The following UBLCP1 variants were observed in gnomAD, a reference collection of about 807,000 sequenced individuals.
UBLCP1 encodes the protein ubiquitin-like domain-containing CTD phosphatase 1.
In UBLCP1, 28 loss-of-function variants were observed where a neutral mutation model predicts 42.4. That is an observed-to-expected ratio of 0.66 (90% CI 0.49 to 0.90). UBLCP1 has a LOEUF of 0.90. Ranked by LOEUF, UBLCP1 falls within the 40% of genes least tolerant of loss-of-function variation. UBLCP1 has a pLI of 0.00. For missense variants in UBLCP1, 279 were observed against 374.5 expected (o/e 0.75, Z 2.10); for synonymous variants, 122 against 120.8 (o/e 1.01, Z -0.07).
chr5:159,278,423 C>T (rs1753564424), intron 9 of UBLCP1, 69 bp downstream of exon 9: 1 of 1,036,516 alleles, frequency 9.6e-7, no homozygotes, highest in African/African-American at 1.6e-5. Context: ...TTGTAGTAAG[C>T]ACTGTTGAAT....
intron 9 of UBLCP1, among the ~76,000 whole-genome samples, chr5:159,279,804 A>G (rs1472126564): frequency 6.6e-6 from 1 of 152,216 alleles, no homozygotes; most frequent in Non-Finnish European, 1.5e-5. Context: ...TTGAGAAGAA[A>G]TGTGGTTGAT....
intron 6 of UBLCP1, among the ~76,000 whole-genome samples, chr5:159,273,408 G>A (rs1753495663): frequency 6.6e-6 from 1 of 152,106 alleles, no homozygotes; most frequent in Admixed American, 6.5e-5. Context: ...AAATAGACTA[G>A]GATTTTAATT....
intron 1 of UBLCP1, among the ~76,000 whole-genome samples, chr5:159,266,203 A>G (rs1472809949): frequency 6.6e-6 from 1 of 152,228 alleles, no homozygotes. Flanking sequence ...CAAAATTCTG[A>G]TAGCTATATG....
At chr5:159,278,004 A>C (rs922084759) in intron 8 of UBLCP1, among the ~76,000 whole-genome samples, 2 of 152,180 alleles carry the variant, frequency 1.3e-5, no homozygotes, top group Admixed American at 6.5e-5. Flanking sequence ...AATTATGGAA[A>C]GTTTTATAAT....
At chr5:159,281,306 G>A (rs1050755129) in intron 9 of UBLCP1, among the ~76,000 whole-genome samples, 1 of 152,142 alleles carries the variant, frequency 6.6e-6, no homozygotes, top group Non-Finnish European at 1.5e-5. Context: ...TTACCTTTCA[G>A]TCCTTAGGAA....
chr5:159,281,861 C>G (rs1240941903), intron 9 of UBLCP1, among the ~76,000 whole-genome samples: 1 of 142,172 alleles, frequency 7.0e-6, no homozygotes, highest in Non-Finnish European at 1.6e-5. Context: ...AACTAATGAC[C>G]AAAAAAAAAA....
chr5:159,278,270 T>G lies in UBLCP1; in HGVS notation c.717T>G (p.Phe239Leu), dbSNP rs764659819. 2 of 1,613,860 alleles carry G rather than the reference T, an allele frequency of 1.2e-6. No homozygotes were observed. The highest frequency in any genetic ancestry group is 8.5e-7 in the Non-Finnish European group (1 of 1,179,848). Residue 239 changes from phenylalanine (F) to leucine (L), a missense_variant, in exon 9 of 11, where the codon TTT (phenylalanine) becomes TTG (leucine). Transcript: ENST00000296786. The part of the protein sequence containing the change: ...VKPLGVIWGK[F>L]SEFYSKKNTI... ...CTCTTGGTGTTATATGGGGAAAGTT[T>G]TCGGAGTTTTACAGCAAGAAAAACA...
intron 6 of UBLCP1, 69 bp from the exon 7 acceptor site, chr5:159,274,511 CTTACT>C: frequency 1.5e-6 from 2 of 1,340,500 alleles, no homozygotes; most frequent in Non-Finnish European, 2.1e-6. Context: ...GCTTAGAAAA[CTTACT>C]TATACAGATT....
chr5:159,280,582 A>G (rs937421987), intron 9 of UBLCP1, among the ~76,000 whole-genome samples: 1 of 152,228 alleles, frequency 6.6e-6, no homozygotes, highest in African/African-American at 2.4e-5. Flanking sequence ...GATTACAGGC[A>G]TGAGCCACTG....
Position 159,270,570 on chromosome 5 carries a change from C to T in UBLCP1, c.375C>T (p.Tyr125=), listed in dbSNP as rs776079582. The part of the protein sequence containing the change: ...LLKISRRVKE[Y]KVEILNPPRE... The stretch of plus-strand genomic sequence containing the variant: ...AAATTTCTCGCAGAGTGAAAGAGTA[C>T]AAAGTGGAAATTTTGAATCCTCCCA... The change falls in exon 5 of 11, where the codon TAC becomes TAT. Residue 125 remains tyrosine (Y), a synonymous_variant. Coordinates refer to ENST00000296786, the MANE Select transcript of UBLCP1 (RefSeq NM_145049.5). The T allele has an allele frequency of 6.2e-7, 1 of 1,611,600 alleles. No individual in the cohort carries two copies. Among genetic ancestry groups the T allele is most frequent in the South Asian group, 1.1e-5 (1 of 90,468 alleles).
At chr5:159,269,299 T>C (rs1753436069) in intron 2 of UBLCP1, among the ~76,000 whole-genome samples, 1 of 152,254 alleles carries the variant, frequency 6.6e-6, no homozygotes, top group Non-Finnish European at 1.5e-5. Context: ...TTACTTTTGA[T>C]GTTTTAGACA....
At position 159,278,233 on chromosome 5, in the gene UBLCP1, C is replaced by T; in HGVS notation, c.685-5C>T. 1.3e-6 allele frequency: 2 copies of T among 1,590,108 alleles called. No homozygotes were observed. Among genetic ancestry groups the T allele is most frequent in the Non-Finnish European group, 1.7e-6 (2 of 1,159,598 alleles). On this transcript the variant is annotated splice_polypyrimidine_tract_variant and splice_region_variant and intron_variant, in intron 8 of 10. Transcript: ENST00000296786. ...TTTGAGTTAAATGTAAACTTTTATT[C>T]TAAGGTAAAGCCTCTTGGTGTTATA...
At chr5:159,278,199 T>C (rs1429591969) in intron 8 of UBLCP1, 39 bp from the exon 9 acceptor site, 12 of 1,379,800 alleles carry the variant, frequency 8.7e-6, no homozygotes, top group South Asian at 4.7e-5. Context: ...GGATGAAATA[T>C]TGATAAAATT....
At chr5:159,270,099 T>A in intron 3 of UBLCP1, 100 bp downstream of exon 3, 1 of 1,070,856 alleles carries the variant, frequency 9.3e-7, no homozygotes, top group Non-Finnish European at 1.3e-6. Flanking sequence ...ATTGTCAGTC[T>A]AGCAATCAAT....
At chr5:159,275,403 ATTTTTTTTTTTTTTT>A (rs56675251) in intron 8 of UBLCP1, 157 bp downstream of exon 8, 1 of 163,974 alleles carries the variant, frequency 6.1e-6, no homozygotes, top group Non-Finnish European at 1.0e-5. Flanking sequence ...AGGTTAAAAG[ATTTTTTTTTTTTTTT>A]TTTTTTTTTT....
intron 1 of UBLCP1, among the ~76,000 whole-genome samples, chr5:159,264,735 T>C (rs1015399190): frequency 2.0e-5 from 3 of 152,194 alleles, no homozygotes; most frequent in African/African-American, 7.2e-5. Context: ...GTCCCTTCTC[T>C]CCACCCCAAT....
rs1395894783 is a variant in UBLCP1, at chr5:159,275,117, G to A, written c.586-31G>A. The A allele has an allele frequency of 2.5e-6, 4 of 1,591,580 alleles. No individual in the cohort carries two copies. In the South Asian group the frequency reaches 4.4e-5, roughly 18 times the overall value. ...AATCTGAAATTTTCCACACTACTAT[G>A]TTTTAACCTCACAAATATTTGTGTT... On this transcript the variant is annotated intron_variant, in intron 7 of 10. Transcript: ENST00000296786.
intron 1 of UBLCP1, 36 bp from the exon 2 acceptor site, chr5:159,268,834 C>CT (rs1056795144): frequency 2.1e-6 from 3 of 1,451,742 alleles, no homozygotes; most frequent in Non-Finnish European, 2.8e-6. Flanking sequence ...TAAACAGTAT[C>CT]TATTTTAACT....
chr5:159,282,462 G>A (rs577458345), intron 9 of UBLCP1, among the ~76,000 whole-genome samples: 36 of 152,162 alleles, frequency 2.4e-4, no homozygotes, highest in African/African-American at 8.2e-4. Context: ...GATGAAGATT[G>A]CATATAAACA....
Sources: allele counts gnomAD v4.1 joint callset (sites outside exome capture counted in the v4.1 genomes callset), GRCh38; gene constraint gnomAD v4.1.1; transcripts MANE v1.5; gene names NCBI Gene and HGNC (gene_info 2026-07-23, HGNC 2026-07-21).